RPTOR: variants seen among roughly 807,000 people sequenced by gnomAD.
RPTOR encodes the protein regulatory-associated protein of mTOR.
Under a neutral mutation model 169.9 loss-of-function variants are expected in RPTOR, and 21 were observed. The ratio of observed to expected loss-of-function variants is 0.12; its 90% CI spans 0.09 to 0.18. The LOEUF (loss-of-function observed/expected upper bound fraction) is 0.18, where lower values mean the gene tolerates loss of function less well. Among genes scored for constraint, RPTOR ranks in the 10% least tolerant of loss-of-function variants. RPTOR has a pLI of 1.00. For missense variants in RPTOR, 1,133 were observed against 1,855.9 expected, an observed-to-expected ratio of 0.61 and a Z score of 7.16; for synonymous variants, 732 against 753.2, an observed-to-expected ratio of 0.97 and a Z score of 0.46.
chr17:80,743,806 TGG>T, intron 5 of RPTOR, among the ~76,000 whole-genome samples: 2 of 130,196 alleles, frequency 1.5e-5, no homozygotes, highest in African/African-American at 2.9e-5. Flanking sequence ...AGCACAGCCC[TGG>T]CTACTAGCAG....
At chr17:80,699,500 G>A (rs1385592366) in intron 3 of RPTOR, among the ~76,000 whole-genome samples, 1 of 129,004 alleles carries the variant, frequency 7.8e-6, no homozygotes, top group South Asian at 2.8e-4. Flanking sequence ...TAGAGGTGCT[G>A]TGCACGGTAC....
At chr17:80,743,360 C>T (rs905014909) in intron 5 of RPTOR, 7 of 985,286 alleles carry the variant, frequency 7.1e-6, no homozygotes, top group African/African-American at 7.0e-5. Flanking sequence ...CCACAAGGAC[C>T]GAGGGAGGCC....
At position 80,729,090 on chromosome 17, in the gene RPTOR, G is replaced by T. The variant is rs146061461; in HGVS notation, c.508-1470G>T. Among the ~76,000 whole-genome samples, 1,127 of 152,330 alleles carry T rather than the reference G, an allele frequency of 7.4e-3. 16 individuals are homozygous for T. Among genetic ancestry groups the T allele is most frequent in the African/African-American group, 0.025 (1,038 of 41,566 alleles). On this transcript the variant is annotated intron_variant, in intron 4 of 33. Coordinates refer to ENST00000306801, the MANE Select transcript of RPTOR (RefSeq NM_020761.3). The stretch of plus-strand genomic sequence containing the variant: ...CTGAGATATAACTTACGTCTGAGAT[G>T]TAGCTGATGTCTGAAATGTAACTTT...
At chr17:80,838,759 TG>T (rs1029649151) in intron 10 of RPTOR, among the ~76,000 whole-genome samples, 11 of 152,100 alleles carry the variant, frequency 7.2e-5, no homozygotes, top group African/African-American at 2.7e-4. Flanking sequence ...CGCCTCCCGT[TG>T]GGGCCACACC....
At chr17:80,649,048 C>G (rs1177068693) in intron 3 of RPTOR, among the ~76,000 whole-genome samples, 1 of 152,184 alleles carries the variant, frequency 6.6e-6, no homozygotes, top group Non-Finnish European at 1.5e-5. Context: ...TTGGTTATGT[C>G]TTTATCAGCA....
intron 11 of RPTOR, among the ~76,000 whole-genome samples, chr17:80,850,914 A>G (rs1391638818): frequency 6.6e-6 from 1 of 152,170 alleles, no homozygotes; most frequent in African/African-American, 2.4e-5. Flanking sequence ...CACTCTCTTC[A>G]TATACAAGGC....
chr17:80,841,913 C>T lies in RPTOR; in HGVS notation c.1212+3916C>T, dbSNP rs1413581387. On this transcript the variant is annotated intron_variant, in intron 10 of 33. Coordinates refer to ENST00000306801, the MANE Select transcript of RPTOR (RefSeq NM_020761.3). ...TTACCGCACGGCAGCTCACTCTCACCGCACGGCAGCTCACACTCACCGCAC... is the reference window on the plus strand; with the variant it reads ...TTACCGCACGGCAGCTCACTCTCACTGCACGGCAGCTCACACTCACCGCAC... 2.9e-5 allele frequency among the ~76,000 whole-genome samples: 4 copies of T among 137,466 alleles called. 1 individual carries two copies. The highest frequency in any genetic ancestry group is 8.5e-5 in the African/African-American group (3 of 35,106). The allele number at this position is 137,466 out of a possible 152,430, so 90.2% of individuals were successfully genotyped here. A position where few individuals can be genotyped will look rare whatever the true frequency, so the allele number is the denominator to read the frequency against.
intron 1 of RPTOR, chr17:80,602,769 T>C: frequency 1.4e-6 from 1 of 726,610 alleles, no homozygotes; most frequent in Non-Finnish European, 2.5e-6. Flanking sequence ...CTCCTTCATG[T>C]CAAATTTCCG....
intron 20 of RPTOR, among the ~76,000 whole-genome samples, chr17:80,899,434 G>A (rs2068447886): frequency 6.6e-6 from 1 of 152,224 alleles, no homozygotes; most frequent in African/African-American, 2.4e-5. Context: ...ACTAGAAAAT[G>A]TAAATTCATA....
In RPTOR at chr17:80,964,690, A is replaced by C; in HGVS notation, c.*360A>C. Reference sequence around the variant, plus strand: ...TGTAATCAGAGCATTAGCTGCAGAAAAACCCCCCGACAGAGCCCTGGCGGA... The same window carrying C: ...TGTAATCAGAGCATTAGCTGCAGAACAACCCCCCGACAGAGCCCTGGCGGA... On this transcript the variant is annotated 3_prime_UTR_variant, in exon 34 of 34. Transcript: ENST00000306801. The C allele has an allele frequency of 3.2e-6, 1 of 311,748 alleles. No homozygotes were observed. Among genetic ancestry groups the C allele is most frequent in the Non-Finnish European group, 6.1e-6 (1 of 164,614 alleles). The allele number at this position is 311,748 out of a possible 1,614,324, so 19.3% of individuals were successfully genotyped here.
intron 17 of RPTOR, among the ~76,000 whole-genome samples, chr17:80,889,731 G>T (rs955350355): frequency 5.9e-5 from 9 of 152,224 alleles, no homozygotes; most frequent in African/African-American, 1.9e-4. Context: ...CAACGCAAAG[G>T]AGAGCTCTTT....
chr17:80,842,638 C>G (rs529836374), intron 10 of RPTOR, among the ~76,000 whole-genome samples: 1 of 152,290 alleles, frequency 6.6e-6, no homozygotes, highest in South Asian at 2.1e-4. Flanking sequence ...TGTATTTACC[C>G]GATGGTTAAT....
intron 5 of RPTOR, among the ~76,000 whole-genome samples, chr17:80,744,415 C>T (rs190495492): frequency 0.058 from 1,666 of 28,514 alleles, 25 homozygotes; most frequent in East Asian, 0.15. Context: ...ACTAGCACAG[C>T]CCTGGCTACT....
intron 5 of RPTOR, among the ~76,000 whole-genome samples, chr17:80,739,300 G>C (rs2066462898): frequency 6.6e-6 from 1 of 151,594 alleles, no homozygotes; most frequent in African/African-American, 2.4e-5. Flanking sequence ...TGCTTTCACT[G>C]AACACTGAGG....
intron 3 of RPTOR, among the ~76,000 whole-genome samples, chr17:80,663,534 A>C (rs2065740509): frequency 6.6e-6 from 1 of 152,122 alleles, no homozygotes; most frequent in South Asian, 2.1e-4. Context: ...TTATTAGGTG[A>C]GATATTGACA....
chr17:80,696,813 A>C (rs1273748020), intron 3 of RPTOR, among the ~76,000 whole-genome samples: 1 of 152,200 alleles, frequency 6.6e-6, no homozygotes, highest in Non-Finnish European at 1.5e-5. Flanking sequence ...GCCCACAGCC[A>C]GACCAGGTGT....
At chr17:80,834,319 G>T (rs905112106) in intron 9 of RPTOR, among the ~76,000 whole-genome samples, 1 of 152,150 alleles carries the variant, frequency 6.6e-6, no homozygotes, top group East Asian at 1.9e-4. Flanking sequence ...ATTAGTACTT[G>T]AACAAAGTTA....
intron 21 of RPTOR, among the ~76,000 whole-genome samples, chr17:80,910,899 C>T (rs564522607): frequency 1.3e-5 from 2 of 150,238 alleles, no homozygotes; most frequent in African/African-American, 4.9e-5. Context: ...GGCACAATCT[C>T]AGCTCACTGC....
intron 20 of RPTOR, among the ~76,000 whole-genome samples, chr17:80,906,627 C>T (rs954682090): frequency 6.6e-6 from 1 of 152,232 alleles, no homozygotes; most frequent in Non-Finnish European, 1.5e-5. Context: ...AAGAATGCTT[C>T]CTTTGGTTGA....
Sources: allele counts gnomAD v4.1 joint callset (sites outside exome capture counted in the v4.1 genomes callset), GRCh38; gene constraint gnomAD v4.1.1; transcripts MANE v1.5; gene names NCBI Gene and HGNC (gene_info 2026-07-23, HGNC 2026-07-21).